SYT1: variants seen among roughly 807,000 people sequenced by gnomAD.
The protein encoded by SYT1 is synaptotagmin 1.
SYT1 carries 8 observed loss-of-function variants against 44.8 expected under a neutral mutation model. The ratio of observed to expected loss-of-function variants is 0.18; its 90% CI spans 0.10 to 0.32. SYT1 has a LOEUF of 0.32. Ranked by LOEUF, SYT1 falls within the 10% of genes least tolerant of loss-of-function variation. SYT1 has a pLI of 1.00. For synonymous variants in SYT1, 154 were observed against 188.8 expected (o/e 0.82, Z 1.51); for missense variants, 286 against 509.3 (o/e 0.56, Z 4.22).
At chr12:79,151,184 A>G (rs1870250629) in intron 3 of SYT1, among the ~76,000 whole-genome samples, 1 of 152,180 alleles carries the variant, frequency 6.6e-6, no homozygotes, top group Non-Finnish European at 1.5e-5. Context: ...TGGGCATGTC[A>G]GAGGTGTCAA....
intron 3 of SYT1, among the ~76,000 whole-genome samples, chr12:79,142,434 G>A (rs1869616091): frequency 6.6e-6 from 1 of 152,146 alleles, no homozygotes; most frequent in Admixed American, 6.5e-5. Flanking sequence ...TAAATAGAGG[G>A]CTGGCTTGGA....
At chr12:79,353,675 A>C in intron 9 of SYT1, 56 bp downstream of exon 9, 1 of 1,264,948 alleles carries the variant, frequency 7.9e-7, no homozygotes, top group Non-Finnish European at 1.2e-6. Flanking sequence ...GTGGATACCA[A>C]ATGCATGGCG....
At chr12:79,165,845 G>A (rs1027011310) in intron 3 of SYT1, among the ~76,000 whole-genome samples, 1 of 151,934 alleles carries the variant, frequency 6.6e-6, no homozygotes, top group African/African-American at 2.4e-5. Context: ...GAGTGCTAAA[G>A]CACATTTTCT....
At chr12:79,179,373 G>GATATATCA (rs1872276025) in intron 3 of SYT1, among the ~76,000 whole-genome samples, 1 of 44,414 alleles carries the variant, frequency 2.3e-5, no homozygotes, top group African/African-American at 1.3e-4. Context: ...TATAGATATA[G>GATATATCA]ATATAGATAT....
In SYT1 at chr12:78,983,267, C is replaced by T. The variant is rs191291280; in HGVS notation, c.-84+5336C>T. On this transcript the variant is annotated intron_variant, in intron 2 of 10. Coordinates refer to ENST00000261205, the MANE Select transcript of SYT1 (RefSeq NM_005639.3). ...TTACATATTAGATAAGATGAATTGC[C>T]GGAGAAATTTGATCCGTATAGCCAG... Among the ~76,000 whole-genome samples, 20 of 152,020 alleles carry T rather than the reference C, an allele frequency of 1.3e-4. No homozygotes were observed. The East Asian group carries it at 1.7e-3, about 13-fold the overall frequency.
chr12:79,065,879 T>A (rs1261847317), intron 3 of SYT1, among the ~76,000 whole-genome samples: 2 of 152,036 alleles, frequency 1.3e-5, no homozygotes, highest in Non-Finnish European at 2.9e-5. Context: ...AGCAGCAAAT[T>A]TTAAAAGATT....
At chr12:79,292,468 T>G (rs2138852840) in intron 6 of SYT1, among the ~76,000 whole-genome samples, 1 of 152,340 alleles carries the variant, frequency 6.6e-6, no homozygotes, top group South Asian at 2.1e-4. Flanking sequence ...TGCAGCAACC[T>G]TCCTTGGACT....
chr12:79,243,391 C>G (rs1592890369), intron 4 of SYT1, among the ~76,000 whole-genome samples: 1 of 152,182 alleles, frequency 6.6e-6, no homozygotes, highest in East Asian at 1.9e-4. Flanking sequence ...ATTTTTCACA[C>G]TGATGCAACT....
chr12:79,100,958 T>G (rs1878412291), intron 3 of SYT1, among the ~76,000 whole-genome samples: 1 of 152,178 alleles, frequency 6.6e-6, no homozygotes, highest in Non-Finnish European at 1.5e-5. Context: ...ATAAGTATGT[T>G]ATTTCTACCT....
At chr12:79,398,485 TA>T (rs1836464138) in intron 9 of SYT1, among the ~76,000 whole-genome samples, 1 of 152,168 alleles carries the variant, frequency 6.6e-6, no homozygotes, top group Admixed American at 6.6e-5. Flanking sequence ...TATTATGACA[TA>T]AAATATGTAA....
intron 4 of SYT1, among the ~76,000 whole-genome samples, chr12:79,231,088 A>T (rs909010270): frequency 6.6e-6 from 1 of 150,448 alleles, no homozygotes; most frequent in Non-Finnish European, 1.5e-5. Flanking sequence ...ACTCATGACT[A>T]TGTAGATCTC....
intron 6 of SYT1, among the ~76,000 whole-genome samples, chr12:79,295,089 T>C (rs1259227196): frequency 6.6e-6 from 1 of 152,114 alleles, no homozygotes; most frequent in Non-Finnish European, 1.5e-5. Flanking sequence ...AACTCAGATT[T>C]TTCAGGCTGA....
chr12:79,173,483 G>C (rs965575885), intron 3 of SYT1, among the ~76,000 whole-genome samples: 4 of 151,964 alleles, frequency 2.6e-5, no homozygotes, highest in South Asian at 2.1e-4. Context: ...TTCCCCTTTA[G>C]TGCATGCAGT....
chr12:78,866,396 T>C (rs987055482), intron 1 of SYT1, among the ~76,000 whole-genome samples: 4 of 152,202 alleles, frequency 2.6e-5, no homozygotes, highest in Non-Finnish European at 5.9e-5. Flanking sequence ...GCTAGAAAGA[T>C]ACCCTAAATT....
intron 5 of SYT1, 146 bp from the exon 6 acceptor site, chr12:79,291,862 G>A (rs1469637692): frequency 2.0e-6 from 2 of 1,015,554 alleles, no homozygotes; most frequent in Non-Finnish European, 1.5e-6. Flanking sequence ...TATGTAAGCA[G>A]CAAATGTGAA....
rs192365389 is a variant in SYT1 at position 79,211,661 on chromosome 12, A to G, written c.-17-5842A>G. Reference sequence around the variant, plus strand: ...TGTGTCCATGTGATCTCATTGTTCAATTCCCACCTAGGAGTGAGAATATGC... The same window carrying G: ...TGTGTCCATGTGATCTCATTGTTCAGTTCCCACCTAGGAGTGAGAATATGC... On this transcript the variant is annotated intron_variant, in intron 3 of 10. Transcript: ENST00000261205. Among the ~76,000 whole-genome samples, 28 of 135,244 alleles carry G rather than the reference A, an allele frequency of 2.1e-4. No homozygotes were observed. In the East Asian group the frequency reaches 3.5e-3, roughly 17 times the overall value. 88.7% of individuals were successfully genotyped at this position (135,244 alleles called of 152,430 possible).
At chr12:79,436,073 A>T (rs993059661) in intron 9 of SYT1, among the ~76,000 whole-genome samples, 2 of 152,188 alleles carry the variant, frequency 1.3e-5, no homozygotes, top group African/African-American at 2.4e-5. Flanking sequence ...GTACAATTTC[A>T]GGGGCTCTAT....
intron 3 of SYT1, among the ~76,000 whole-genome samples, chr12:79,171,711 T>C (rs1484747974): frequency 2.0e-5 from 3 of 152,020 alleles, no homozygotes; most frequent in Non-Finnish European, 4.4e-5. Flanking sequence ...CCATAAGTTC[T>C]GGAGTTGGAC....
intron 3 of SYT1, among the ~76,000 whole-genome samples, chr12:79,148,664 CAG>C (rs1455933662): frequency 6.6e-6 from 1 of 152,106 alleles, no homozygotes; most frequent in Non-Finnish European, 1.5e-5. Context: ...GCTATGGAAA[CAG>C]ATCTTTGGCT....
Sources: allele counts gnomAD v4.1 joint callset (sites outside exome capture counted in the v4.1 genomes callset), GRCh38; gene constraint gnomAD v4.1.1; transcripts MANE v1.5; gene names NCBI Gene and HGNC (gene_info 2026-07-23, HGNC 2026-07-21).